The following AKR1B1 variants were observed in gnomAD, a reference collection of about 807,000 sequenced individuals.
AKR1B1 encodes aldo-keto reductase family 1 member B1.
In AKR1B1, 22 loss-of-function variants were observed where a neutral mutation model predicts 40.4. That is an observed-to-expected ratio of 0.54 (90% CI 0.39 to 0.78). The LOEUF (loss-of-function observed/expected upper bound fraction) is 0.78. AKR1B1 is among the 30% of genes least tolerant of loss of function. The pLI, the probability that AKR1B1 is intolerant of heterozygous loss-of-function variation, is 0.00. For synonymous variants in AKR1B1, 157 were observed against 149.9 expected, an observed-to-expected ratio of 1.05 and a Z score of -0.35; for missense variants, 357 against 396.7, an observed-to-expected ratio of 0.90 and a Z score of 0.85.
chr7:134,453,104 G>C (rs1030617934), intron 1 of AKR1B1, among the ~76,000 whole-genome samples: 2 of 152,188 alleles, frequency 1.3e-5, no homozygotes, highest in African/African-American at 4.8e-5. Flanking sequence ...CACCACTGAT[G>C]ACAGCAGGGA....
In AKR1B1 at chr7:134,448,471, G is replaced by A. The variant is rs1806177133; in HGVS notation, c.575C>T (p.Thr192Ile). The change falls in exon 6 of 10, where the codon ACT (threonine) becomes ATT (isoleucine). Residue 192 changes from threonine to isoleucine, a missense_variant. Physicochemically the swap from Thr to Ile is moderately conservative, Grantham distance 89. Coordinates refer to ENST00000285930, the MANE Select transcript of AKR1B1 (RefSeq NM_001628.4). Reference protein sequence around the residue: ...VNQIECHPYLTQEKLIQYCQS... With the variant: ...VNQIECHPYLIQEKLIQYCQS... ...GCAGTACTGGATTAACTTCTCCTGA[G>A]TGAGATATGGGTGGCACTCAATCTG... 3 of 1,614,076 alleles carry A rather than the reference G, an allele frequency of 1.9e-6. No individual in the cohort carries two copies. Among genetic ancestry groups the A allele is most frequent in the East Asian group, 2.2e-5 (1 of 44,872 alleles).
chr7:134,447,525 G>C, intron 7 of AKR1B1, 144 bp from the exon 8 acceptor site: 2 of 753,864 alleles, frequency 2.7e-6, no homozygotes, highest in South Asian at 1.5e-5. Context: ...TCAGGTCACA[G>C]CTAGCAACAG....
Position 134,442,690 on chromosome 7 carries a change from G to C in AKR1B1, c.*38C>G. The C allele has an allele frequency of 6.2e-7, 1 of 1,608,400 alleles. No homozygotes were observed. Among genetic ancestry groups the C allele is most frequent in the African/African-American group, 1.3e-5 (1 of 74,906 alleles). On this transcript the variant is annotated 3_prime_UTR_variant, in exon 10 of 10. Coordinates refer to ENST00000285930, the MANE Select transcript of AKR1B1 (RefSeq NM_001628.4). ...GGAAAAAAATGAGGCAAGAAACACA[G>C]GTATAGGTCACTTGGGGACGAGCAG...
rs772920425 is a variant in AKR1B1 at position 134,442,382 on chromosome 7, A to C, written c.*346T>G. On this transcript the variant is annotated 3_prime_UTR_variant, in exon 10 of 10. Transcript: ENST00000285930. ...CACAAAAGCACTTTTTATTTGAGGCAAAGAGAAGTCTTGCTGAAAGGATTC... is the reference window on the plus strand; with the variant it reads ...CACAAAAGCACTTTTTATTTGAGGCCAAGAGAAGTCTTGCTGAAAGGATTC... 12 of 225,426 alleles carry C rather than the reference A, an allele frequency of 5.3e-5. No individual in the cohort carries two copies. The highest frequency in any genetic ancestry group is 9.4e-5 in the South Asian group (1 of 10,674). The allele number at this position is 225,426 out of a possible 1,614,324, so 14.0% of individuals were successfully genotyped here.
At chr7:134,442,795 T>C (rs199519799) in intron 9 of AKR1B1, 25 bp from the exon 10 acceptor site, 293 of 1,612,904 alleles carry the variant, frequency 1.8e-4, no homozygotes, top group Non-Finnish European at 2.4e-4. Context: ...GAGAAAACAG[T>C]TGCTTTTTGA....
intron 1 of AKR1B1, among the ~76,000 whole-genome samples, chr7:134,458,620 A>G (rs1806566105): frequency 6.6e-6 from 1 of 152,020 alleles, no homozygotes; most frequent in Non-Finnish European, 1.5e-5. Flanking sequence ...CCCGAGGTCC[A>G]CCGGTCTGTG....
intron 9 of AKR1B1, among the ~76,000 whole-genome samples, chr7:134,443,579 C>T (rs1287137864): frequency 6.6e-6 from 1 of 150,968 alleles, no homozygotes; most frequent in Non-Finnish European, 1.5e-5. Context: ...GCAGGGAGCA[C>T]AGGGCAGGGA....
At chr7:134,449,447 C>A (rs1016521955) in intron 4 of AKR1B1, 4 of 565,898 alleles carry the variant, frequency 7.1e-6, no homozygotes, top group Non-Finnish European at 6.3e-6. Flanking sequence ...ATTAGCCGGG[C>A]GTGGTGGCGG....
At chr7:134,458,442 C>T (rs1237147700) in intron 1 of AKR1B1, among the ~76,000 whole-genome samples, 2 of 152,216 alleles carry the variant, frequency 1.3e-5, no homozygotes, top group African/African-American at 4.8e-5. Context: ...CCACCTAATT[C>T]TCTGCCCTCT....
intron 3 of AKR1B1, among the ~76,000 whole-genome samples, chr7:134,450,450 A>G (rs1057310751): frequency 6.6e-6 from 1 of 152,162 alleles, no homozygotes; most frequent in African/African-American, 2.4e-5. Flanking sequence ...GCCAGGGCTG[A>G]CCGTGCCTCA....
At chr7:134,448,613 C>T (rs780180014) in intron 5 of AKR1B1, 120 bp from the exon 6 acceptor site, 96 of 773,720 alleles carry the variant, frequency 1.2e-4, no homozygotes, top group Admixed American at 4.0e-4. Context: ...GTATAACAAA[C>T]ACCCTATTTC....
At chr7:134,444,861 T>C in intron 9 of AKR1B1, 1 of 349,910 alleles carries the variant, frequency 2.9e-6, no homozygotes, top group South Asian at 2.7e-5. Context: ...ACCAAACCCC[T>C]TTCATTAGGG....
chr7:134,450,919 G>A lies in AKR1B1; in HGVS notation c.235-17C>T, dbSNP rs777139745. ...GCACCACAGCTAAGCCAGCGAGAGG[G>A]CACATGTCATCATTGCCAGCCACAA... On this transcript the variant is annotated splice_polypyrimidine_tract_variant and intron_variant, in intron 2 of 9. Transcript: ENST00000285930. The A allele has an allele frequency of 6.2e-7, 1 of 1,602,440 alleles. No homozygotes were observed. Among genetic ancestry groups the A allele is most frequent in the Non-Finnish European group, 8.6e-7 (1 of 1,169,528 alleles).
intron 1 of AKR1B1, among the ~76,000 whole-genome samples, chr7:134,452,566 G>A (rs1370280828): frequency 6.6e-6 from 1 of 152,170 alleles, no homozygotes; most frequent in Non-Finnish European, 1.5e-5. Flanking sequence ...AGAGGAGGAG[G>A]AAGTGCCTAC....
At chr7:134,445,388 A>G in intron 8 of AKR1B1, 68 bp from the exon 9 acceptor site, 1 of 1,315,984 alleles carries the variant, frequency 7.6e-7, no homozygotes, top group Non-Finnish European at 1.1e-6. Flanking sequence ...ACTGTGCAGG[A>G]CCCAGATGTC....
intron 8 of AKR1B1, 43 bp downstream of exon 8, chr7:134,447,255 C>A: frequency 6.6e-7 from 1 of 1,510,332 alleles, no homozygotes; most frequent in Non-Finnish European, 9.2e-7. Flanking sequence ...CCCCATCCCC[C>A]ACTCCATGGA....
intron 2 of AKR1B1, chr7:134,451,239 C>G (rs1377498654): frequency 3.8e-6 from 2 of 526,284 alleles, no homozygotes; most frequent in East Asian, 7.0e-5. Flanking sequence ...CTTTGTGCAT[C>G]AGTATCTCAG....
In AKR1B1 at chr7:134,455,164, A is replaced by G. The variant is rs374624807; in HGVS notation, c.67-3411T>C. Among the ~76,000 whole-genome samples, 8 of 152,210 alleles carry G rather than the reference A, an allele frequency of 5.3e-5. No homozygotes were observed. The South Asian group carries it at 1.7e-3, about 31-fold the overall frequency. ...ATTTTCTTTTACCTCATGCATTCTT[A>G]AAGTGGGTGCTATTGTCCCCAAAGA... On this transcript the variant is annotated intron_variant, in intron 1 of 9. Transcript: ENST00000285930.
intron 9 of AKR1B1, among the ~76,000 whole-genome samples, chr7:134,443,595 T>G (rs913970738): frequency 2.7e-5 from 4 of 148,750 alleles, no homozygotes; most frequent in Non-Finnish European, 4.4e-5. Context: ...AGGGAGCACA[T>G]GGCAGGGAGC....
Sources: allele counts gnomAD v4.1 joint callset (sites outside exome capture counted in the v4.1 genomes callset), GRCh38; gene constraint gnomAD v4.1.1; transcripts MANE v1.5; gene names NCBI Gene and HGNC (gene_info 2026-07-23, HGNC 2026-07-21).